MAP3K2: variants seen among roughly 807,000 people sequenced by gnomAD.
MAP3K2 encodes MAP/ERK kinase kinase 2.
In MAP3K2, 24 loss-of-function variants were observed where a neutral mutation model predicts 80.3. The observed-to-expected ratio is 0.30, with a 90% CI of 0.22 to 0.42. The LOEUF (loss-of-function observed/expected upper bound fraction) is 0.42. Among genes scored for constraint, MAP3K2 ranks in the 10% least tolerant of loss-of-function variants. The probability of loss-of-function intolerance (pLI) is 1.00; values close to 1 mark genes in which losing one functional copy is unlikely to be tolerated. For missense variants in MAP3K2, 608 were observed against 750.1 expected, an observed-to-expected ratio of 0.81 and a Z score of 2.21; for synonymous variants, 244 against 253.7, an observed-to-expected ratio of 0.96 and a Z score of 0.36.
chr2:127,385,778 A>C (rs1477033924), intron 1 of MAP3K2, among the ~76,000 whole-genome samples: 1 of 152,232 alleles, frequency 6.6e-6, no homozygotes, highest in Non-Finnish European at 1.5e-5. Context: ...AGAGTATCAA[A>C]CATGACTTTA....
Position 127,301,229 on chromosome 2 carries a change from C to G in MAP3K2, c.*6350G>C, listed in dbSNP as rs184794819. On this transcript the variant is annotated 3_prime_UTR_variant, in exon 17 of 17. Coordinates refer to ENST00000682094, the MANE Select transcript of MAP3K2 (RefSeq NM_001371910.2). ...CTCACAGCTTTGCTGAAATGCCCCT[C>G]AAGTCAAACATAAGTTCATAAATGT... 54 of 152,316 alleles carry G rather than the reference C, an allele frequency of 3.5e-4. No individual in the cohort carries two copies. Among genetic ancestry groups the G allele is most frequent in the African/African-American group, 1.3e-3 (54 of 41,566 alleles). The allele number at this position is 152,316 out of a possible 1,614,324, so 9.4% of individuals were successfully genotyped here.
At chr2:127,325,947 T>C (rs907087885) in intron 8 of MAP3K2, 140 bp from the exon 9 acceptor site, 1 of 616,272 alleles carries the variant, frequency 1.6e-6, no homozygotes, top group Non-Finnish European at 2.9e-6. Flanking sequence ...GCTTTTAGAA[T>C]ACTGAGAGTT....
chr2:127,353,608 G>A (rs1308055838), intron 1 of MAP3K2, among the ~76,000 whole-genome samples: 1 of 151,542 alleles, frequency 6.6e-6, no homozygotes, highest in African/African-American at 2.4e-5. Context: ...GCCCCGTCCG[G>A]GAGGGAGGTG....
rs1351767162 is a variant in MAP3K2, at chr2:127,322,775, A to C, written c.839-523T>G. On this transcript the variant is annotated intron_variant, in intron 11 of 16. Transcript: ENST00000682094. This position sits in a 1 kb window ranked among gnomAD's most constrained non-coding sequence, Gnocchi z 4.2. ...TGCCCAGCTAATTTTTTGTATTTTTAGTAGAGACGGGGTTTCATCACGTTG... is the reference window on the plus strand; with the variant it reads ...TGCCCAGCTAATTTTTTGTATTTTTCGTAGAGACGGGGTTTCATCACGTTG... Among the ~76,000 whole-genome samples the C allele has an allele frequency of 6.6e-6, 1 of 151,376 alleles. No homozygotes were observed. Among genetic ancestry groups the C allele is most frequent in the South Asian group, 2.1e-4 (1 of 4,764 alleles).
At position 127,314,828 on chromosome 2, in the gene MAP3K2, C is replaced by T. The variant is rs1214705956; in HGVS notation, c.1382G>A (p.Arg461Lys). Residue 461 changes from arginine (R) to lysine (K), a missense_variant, in exon 15 of 17, where the codon AGG (arginine) becomes AAG (lysine). Physicochemically the swap from Arg to Lys is conservative, Grantham distance 26 (BLOSUM62 2). Coordinates refer to ENST00000682094, the MANE Select transcript of MAP3K2 (RefSeq NM_001371910.2). Reference protein sequence around the residue: ...AYGALTENVTRKYTRQILEGV... With the variant: ...AYGALTENVTKKYTRQILEGV... ...CTCCAGAATCTGACGGGTGTATTTC[C>T]TAGTCACATTCTCAGTAAGAGCGCC... is the stretch of plus-strand genomic sequence containing the variant. 1 of 1,610,166 alleles carries T rather than the reference C, an allele frequency of 6.2e-7. No homozygotes were observed. Among genetic ancestry groups the T allele is most frequent in the African/African-American group, 1.3e-5 (1 of 74,934 alleles).
Position 127,310,995 on chromosome 2 carries a change from A to G in MAP3K2, c.1457-2233T>C, listed in dbSNP as rs138008454. On this transcript the variant is annotated intron_variant, in intron 15 of 16. Coordinates refer to ENST00000682094, the MANE Select transcript of MAP3K2 (RefSeq NM_001371910.2). The surrounding 1 kb of genome is among the most constrained non-coding windows in gnomAD (Gnocchi z 4.8). ...GGTTCTCTTACCCTTTTCTTAAAAA[A>G]CGGTCTCTAAGAAGGAGACTGAATA... Among the ~76,000 whole-genome samples the G allele has an allele frequency of 8.5e-5, 13 of 152,298 alleles. No individual in the cohort carries two copies. The highest frequency in any genetic ancestry group is 3.1e-4 in the African/African-American group (13 of 41,550).
chr2:127,307,659 G>T lies in MAP3K2; in HGVS notation c.1780C>A (p.Leu594Ile), dbSNP rs927656066. 1 of 1,592,044 alleles carries T rather than the reference G, an allele frequency of 6.3e-7. No homozygotes were observed. Among genetic ancestry groups the T allele is most frequent in the Non-Finnish European group, 8.6e-7 (1 of 1,168,576 alleles). The change falls in exon 17 of 17, where the codon CTC becomes ATC. Residue 594 changes from leucine to isoleucine, a missense_variant. Physicochemically the swap from Leu to Ile is conservative, Grantham distance 5. Transcript: ENST00000682094. This position sits in a 1 kb window ranked among gnomAD's most constrained non-coding sequence, Gnocchi z 5.4. Reference protein sequence around the residue: ...PHVSDYTRDFLKRIFVEAKLR... With the variant: ...PHVSDYTRDFIKRIFVEAKLR... ...TTGGCCTCTACAAAAATCCGTTTGA[G>T]GAAATCTCGAGTATAGTCTGAGACA...
chr2:127,361,509 T>A (rs1248206179), intron 1 of MAP3K2, among the ~76,000 whole-genome samples: 1 of 152,186 alleles, frequency 6.6e-6, no homozygotes, highest in African/African-American at 2.4e-5. Context: ...ATTGTTTGAA[T>A]GATCACACTC....
chr2:127,365,575 T>G (rs1370113924), intron 1 of MAP3K2, among the ~76,000 whole-genome samples: 1 of 152,166 alleles, frequency 6.6e-6, no homozygotes, highest in Non-Finnish European at 1.5e-5. Flanking sequence ...TCTTCTTGAT[T>G]GCCAACCCTG....
chr2:127,328,221 G>A (rs927348666), intron 7 of MAP3K2, among the ~76,000 whole-genome samples: 2 of 152,218 alleles, frequency 1.3e-5, no homozygotes, highest in African/African-American at 2.4e-5. Context: ...GTTACAGTTA[G>A]CTGAGACCGC....
intron 1 of MAP3K2, among the ~76,000 whole-genome samples, chr2:127,357,431 T>C (rs1390524216): frequency 2.0e-5 from 3 of 152,158 alleles, no homozygotes; most frequent in African/African-American, 7.2e-5. Context: ...GAGGCTGCAG[T>C]GAGCAATGAT....
At chr2:127,330,354 C>A in intron 6 of MAP3K2, 38 bp downstream of exon 6, 2 of 980,826 alleles carry the variant, frequency 2.0e-6, no homozygotes, top group Non-Finnish European at 1.6e-6. Context: ...AAGCCTAAGT[C>A]CTATAATTCT....
In MAP3K2 at chr2:127,387,791, G is replaced by C; in HGVS notation, c.-405C>G. ...AGGAAGCCGCGGGCCCGCGTCGCTAGAGACCGGAGAAGAGGCGGGAGTGGC... is the reference window on the plus strand; with the variant it reads ...AGGAAGCCGCGGGCCCGCGTCGCTACAGACCGGAGAAGAGGCGGGAGTGGC... On this transcript the variant is annotated 5_prime_UTR_variant, in exon 1 of 17. Transcript: ENST00000682094. 1.0e-6 allele frequency: 1 copy of C among 985,180 alleles called. No homozygotes were observed. Among genetic ancestry groups the C allele is most frequent in the Non-Finnish European group, 1.2e-6 (1 of 829,792 alleles). The allele number at this position is 985,180 out of a possible 1,614,324, so 61.0% of individuals were successfully genotyped here. A position where few individuals can be genotyped will look rare whatever the true frequency, so the allele number is the denominator to read the frequency against.
intron 1 of MAP3K2, among the ~76,000 whole-genome samples, chr2:127,344,993 T>A (rs4662722): frequency 6.6e-6 from 1 of 151,660 alleles, no homozygotes; most frequent in Non-Finnish European, 1.5e-5. Flanking sequence ...CACCCCCGAG[T>A]AGATGGGACT....
At chr2:127,316,043 C>A (rs941406799) in intron 14 of MAP3K2, among the ~76,000 whole-genome samples, 3 of 151,352 alleles carry the variant, frequency 2.0e-5, no homozygotes, top group African/African-American at 7.3e-5. Context: ...CCACTGCACT[C>A]CAGTCTAGGC....
At position 127,306,103 on chromosome 2, in the gene MAP3K2, A is replaced by C. The variant is rs959080436; in HGVS notation, c.*1476T>G. On this transcript the variant is annotated 3_prime_UTR_variant, in exon 17 of 17. Transcript: ENST00000682094. This position sits in a 1 kb window ranked among gnomAD's most constrained non-coding sequence, Gnocchi z 4.7. The stretch of plus-strand genomic sequence containing the variant: ...TTGCTATTTGCTGTTTGTTGAGATT[A>C]TTCACCCTTGACTTAAAGCAGCAGT... 6.6e-6 allele frequency: 1 copy of C among 152,088 alleles called. No individual in the cohort carries two copies. The allele number at this position is 152,088 out of a possible 1,614,324, so 9.4% of individuals were successfully genotyped here. A position where few individuals can be genotyped will look rare whatever the true frequency, so the allele number is the denominator to read the frequency against.
intron 14 of MAP3K2, among the ~76,000 whole-genome samples, chr2:127,316,347 G>A (rs1685904273): frequency 6.6e-6 from 1 of 152,106 alleles, no homozygotes; most frequent in African/African-American, 2.4e-5. Context: ...GCTCAGCCTG[G>A]GCAACAAGAG....
At chr2:127,378,317 T>C (rs911391037) in intron 1 of MAP3K2, 3 of 196,610 alleles carry the variant, frequency 1.5e-5, no homozygotes, top group East Asian at 1.9e-4. Flanking sequence ...TCAGAGATAC[T>C]AGAAAGCAAG....
At position 127,314,323 on chromosome 2, in the gene MAP3K2, C is replaced by T. The variant is rs141009198; in HGVS notation, c.1456+431G>A. Among the ~76,000 whole-genome samples, 354 of 152,262 alleles carry T rather than the reference C, an allele frequency of 2.3e-3. 1 individual carries two copies. The highest frequency in any genetic ancestry group is 7.7e-3 in the African/African-American group (321 of 41,560). On this transcript the variant is annotated intron_variant, in intron 15 of 16. Transcript: ENST00000682094. Reference sequence around the variant, plus strand: ...CATGCATTAACTCATTTACTCCTTACAAGAATCCTATGAGCTGGATACTAT... The same window carrying T: ...CATGCATTAACTCATTTACTCCTTATAAGAATCCTATGAGCTGGATACTAT...
Sources: gnomAD v4.1 joint callset for allele counts (sites outside exome capture counted in the v4.1 genomes callset) on GRCh38, gnomAD v4.1.1 for gene constraint, Gnocchi (gnomAD v3.1) non-coding constraint, MANE v1.5 for transcripts, NCBI Gene and HGNC (gene_info 2026-07-23, HGNC 2026-07-21) for gene names.